The following LSAMP variants were observed in gnomAD, a reference collection of about 807,000 sequenced individuals.
The protein encoded by LSAMP is limbic system-associated membrane protein.
In LSAMP, 7 loss-of-function variants were observed where a neutral mutation model predicts 38.6. That is an observed-to-expected ratio of 0.18 (90% CI 0.10 to 0.34). The LOEUF is 0.34. Among genes scored for constraint, LSAMP ranks in the 10% least tolerant of loss-of-function variants. LSAMP has a pLI of 1.00. For missense variants in LSAMP, 313 were observed against 420.0 expected, an observed-to-expected ratio of 0.75 and a Z score of 2.23; for synonymous variants, 154 against 166.8, an observed-to-expected ratio of 0.92 and a Z score of 0.59.
intron 1 of LSAMP, among the ~76,000 whole-genome samples, chr3:116,333,717 C>T (rs1464972623): frequency 6.6e-6 from 1 of 151,794 alleles, no homozygotes; most frequent in East Asian, 1.9e-4. Flanking sequence ...TACTTAGCGA[C>T]ATGAAAATAT....
intron 1 of LSAMP, among the ~76,000 whole-genome samples, chr3:116,167,900 A>C (rs1381070474): frequency 6.6e-6 from 1 of 152,226 alleles, no homozygotes; most frequent in East Asian, 1.9e-4. Flanking sequence ...AAGGAGAAGC[A>C]CTGGGCAAGG....
At chr3:116,224,436 A>G (rs2046320841) in intron 1 of LSAMP, among the ~76,000 whole-genome samples, 1 of 151,792 alleles carries the variant, frequency 6.6e-6, no homozygotes, top group Non-Finnish European at 1.5e-5. Flanking sequence ...TTTTAGAATA[A>G]CTGTTCAACT....
At chr3:115,873,215 C>T (rs1323366969) in intron 3 of LSAMP, among the ~76,000 whole-genome samples, 2 of 151,702 alleles carry the variant, frequency 1.3e-5, no homozygotes, top group African/African-American at 4.8e-5. Context: ...ACCAAAAATA[C>T]AAAAATTAAC....
At chr3:115,940,474 C>T (rs1312057966) in intron 3 of LSAMP, among the ~76,000 whole-genome samples, 1 of 152,164 alleles carries the variant, frequency 6.6e-6, no homozygotes, top group East Asian at 1.9e-4. Context: ...AATCCTTTAG[C>T]TAGACACAAA....
intron 3 of LSAMP, among the ~76,000 whole-genome samples, chr3:115,886,631 T>C (rs1235220345): frequency 3.9e-5 from 6 of 152,002 alleles, no homozygotes; most frequent in Non-Finnish European, 8.8e-5. Context: ...CACTTCTGAC[T>C]TTAGTGCCTC....
At chr3:116,350,336 T>A (rs555934631) in intron 1 of LSAMP, among the ~76,000 whole-genome samples, 1 of 152,262 alleles carries the variant, frequency 6.6e-6, no homozygotes, top group Admixed American at 6.5e-5. Context: ...TGAAACTATG[T>A]ACCCCATATG....
At position 115,929,881 on chromosome 3, in the gene LSAMP, A is replaced by G. The variant is rs1424853227; in HGVS notation, c.515-77264T>C. Among the ~76,000 whole-genome samples the G allele has an allele frequency of 6.6e-5, 10 of 151,962 alleles. No individual in the cohort carries two copies. The East Asian group carries it at 1.9e-3, about 29-fold the overall frequency. On this transcript the variant is annotated intron_variant, in intron 3 of 6. Transcript: ENST00000490035. ...TTGTTTCAATCTTTTGTGATTAAGC[A>G]TAGTTCTATTTTAGTGACCACCTTA...
intron 1 of LSAMP, among the ~76,000 whole-genome samples, chr3:116,264,885 A>C (rs1203139797): frequency 6.6e-6 from 1 of 152,120 alleles, no homozygotes; most frequent in Admixed American, 6.5e-5. Flanking sequence ...GGGGAAAAAA[A>C]AAAGAGTTTT....
At chr3:116,255,119 G>C (rs967331680) in intron 1 of LSAMP, among the ~76,000 whole-genome samples, 2 of 151,986 alleles carry the variant, frequency 1.3e-5, no homozygotes, top group African/African-American at 4.8e-5. Context: ...TATTTTTGTA[G>C]ACAAGGCCCT....
At chr3:116,249,471 T>C (rs999637614) in intron 1 of LSAMP, among the ~76,000 whole-genome samples, 1 of 151,880 alleles carries the variant, frequency 6.6e-6, no homozygotes, top group Admixed American at 6.6e-5. Flanking sequence ...CTACAACCTC[T>C]GTCTCCTAAC....
intron 1 of LSAMP, among the ~76,000 whole-genome samples, chr3:116,152,546 C>A (rs909952928): frequency 1.3e-5 from 2 of 152,050 alleles, no homozygotes; most frequent in Non-Finnish European, 2.9e-5. Flanking sequence ...AAAGACTATT[C>A]ATTTGTTCTC....
chr3:116,429,991 G>A (rs1475537161), intron 1 of LSAMP, among the ~76,000 whole-genome samples: 1 of 152,046 alleles, frequency 6.6e-6, no homozygotes, highest in Non-Finnish European at 1.5e-5. Context: ...TAGACTTCAG[G>A]CAAAAGTATA....
At chr3:116,088,407 T>C (rs938370498) in intron 1 of LSAMP, among the ~76,000 whole-genome samples, 2 of 152,198 alleles carry the variant, frequency 1.3e-5, no homozygotes, top group African/African-American at 4.8e-5. Flanking sequence ...GAATGCTTGC[T>C]GCCTCATTCC....
At chr3:116,392,152 TAC>T (rs1384246641) in intron 1 of LSAMP, among the ~76,000 whole-genome samples, 1 of 152,100 alleles carries the variant, frequency 6.6e-6, no homozygotes, top group Non-Finnish European at 1.5e-5. Context: ...ATGGCCGGGG[TAC>T]ACATTCCACT....
At chr3:116,240,865 C>G (rs1903433) in intron 1 of LSAMP, among the ~76,000 whole-genome samples, 150,084 of 152,322 alleles carry the variant, frequency 0.99, 73,989 homozygotes, top group Middle Eastern at 1. Context: ...TATCATCTTT[C>G]TAAAATTTAT....
intron 3 of LSAMP, among the ~76,000 whole-genome samples, chr3:115,867,003 G>T (rs1425568929): frequency 1.3e-5 from 2 of 152,018 alleles, no homozygotes; most frequent in Non-Finnish European, 2.9e-5. Flanking sequence ...AATGAAAGAA[G>T]AGGATGCTGC....
intron 3 of LSAMP, among the ~76,000 whole-genome samples, chr3:115,867,315 T>C (rs927810361): frequency 2.0e-5 from 3 of 152,136 alleles, no homozygotes; most frequent in African/African-American, 7.2e-5. Flanking sequence ...TAAAATACTG[T>C]CGGTTTCTGG....
At chr3:116,029,898 G>A (rs1940880687) in intron 2 of LSAMP, among the ~76,000 whole-genome samples, 1 of 152,070 alleles carries the variant, frequency 6.6e-6, no homozygotes, top group Non-Finnish European at 1.5e-5. Context: ...TGAGCCCCAA[G>A]CACTGTCCCA....
chr3:116,283,229 A>AGAAAGAAT (rs2047150769), intron 1 of LSAMP, among the ~76,000 whole-genome samples: 1 of 152,094 alleles, frequency 6.6e-6, no homozygotes, highest in African/African-American at 2.4e-5. Flanking sequence ...GAAGAAAGAA[A>AGAAAGAAT]GAAAGGAGGA....
Sources: allele counts gnomAD v4.1 joint callset (sites outside exome capture counted in the v4.1 genomes callset), GRCh38; gene constraint gnomAD v4.1.1; transcripts MANE v1.5; gene names NCBI Gene and HGNC (gene_info 2026-07-23, HGNC 2026-07-21).